The following LEPR variants were observed in gnomAD, a reference collection of about 807,000 sequenced individuals.
The protein encoded by LEPR is OB receptor.
LEPR carries 56 observed loss-of-function variants against 114.7 expected under a neutral mutation model. That is an observed-to-expected ratio of 0.49 (90% CI 0.39 to 0.61). LEPR has a LOEUF of 0.61. LEPR is among the 20% of genes least tolerant of loss of function. The pLI is 0.00. For synonymous variants in LEPR, 443 were observed against 461.4 expected, an observed-to-expected ratio of 0.96 and a Z score of 0.51; for missense variants, 1,202 against 1,352.9, an observed-to-expected ratio of 0.89 and a Z score of 1.75.
Position 65,580,149 on chromosome 1 carries a change from C to A in LEPR, c.494+7700C>A, listed in dbSNP as rs547757227. Among the ~76,000 whole-genome samples, 3 of 152,284 alleles carry A rather than the reference C, an allele frequency of 2.0e-5. No homozygotes were observed. In the East Asian group the frequency reaches 5.8e-4, roughly 29 times the overall value. On this transcript the variant is annotated intron_variant, in intron 5 of 19. Transcript: ENST00000349533. ...TGATTTGGTTAATATGTTCATTGCACCAACTATCACATGCTGTTTCTGCCT... is the reference window on the plus strand; with the variant it reads ...TGATTTGGTTAATATGTTCATTGCAACAACTATCACATGCTGTTTCTGCCT...
At chr1:65,490,987 A>T (rs561479852) in intron 2 of LEPR, among the ~76,000 whole-genome samples, 13 of 152,276 alleles carry the variant, frequency 8.5e-5, no homozygotes, top group Admixed American at 5.2e-4. Flanking sequence ...AGGAATCTGG[A>T]TGCCCATGGA....
chr1:65,453,666 C>A (rs1429709280), intron 2 of LEPR, among the ~76,000 whole-genome samples: 1 of 152,050 alleles, frequency 6.6e-6, no homozygotes, highest in Non-Finnish European at 1.5e-5. Flanking sequence ...AATTTCTGTT[C>A]TTTTACATTT....
intron 2 of LEPR, among the ~76,000 whole-genome samples, chr1:65,427,532 C>G (rs953871057): frequency 6.6e-6 from 1 of 152,098 alleles, no homozygotes; most frequent in Non-Finnish European, 1.5e-5. Flanking sequence ...GCAGTCCAGC[C>G]TGGGCGACAG....
intron 2 of LEPR, among the ~76,000 whole-genome samples, chr1:65,529,259 G>A (rs1006738651): frequency 1.1e-4 from 16 of 151,914 alleles, no homozygotes; most frequent in Non-Finnish European, 1.9e-4. Flanking sequence ...GGTGCCTCAC[G>A]CCTGTAATCC....
At chr1:65,448,374 A>G (rs1007769684) in intron 2 of LEPR, among the ~76,000 whole-genome samples, 2 of 152,194 alleles carry the variant, frequency 1.3e-5, no homozygotes, top group African/African-American at 4.8e-5. Context: ...GATGAATTCC[A>G]CTTGCTCATG....
rs12043410 is a variant in LEPR, at chr1:65,535,389, A to G, written c.-20-30157A>G. ...GGGGGAGAAAATATTTTTTTAAGACAGTGTCTCGCTCTATCACCCAGGCTG... is the reference window on the plus strand; with the variant it reads ...GGGGGAGAAAATATTTTTTTAAGACGGTGTCTCGCTCTATCACCCAGGCTG... On this transcript the variant is annotated intron_variant, in intron 2 of 19. Transcript: ENST00000349533. Among the ~76,000 whole-genome samples, 171 of 151,368 alleles carry G rather than the reference A, an allele frequency of 1.1e-3. No individual in the cohort carries two copies. In the East Asian group the frequency reaches 0.022, roughly 19 times the overall value.
intron 2 of LEPR, chr1:65,430,191 G>T (rs1214489871): frequency 4.6e-6 from 3 of 648,072 alleles, no homozygotes; most frequent in Non-Finnish European, 7.1e-6. Flanking sequence ...CTCTACTTTA[G>T]ACCTGCCTAA....
intron 10 of LEPR, among the ~76,000 whole-genome samples, chr1:65,603,623 T>C (rs1417848242): frequency 6.6e-6 from 1 of 151,662 alleles, no homozygotes; most frequent in East Asian, 1.9e-4. Flanking sequence ...CCATGTGGAC[T>C]AGGATAGCTT....
intron 2 of LEPR, among the ~76,000 whole-genome samples, chr1:65,485,289 C>T (rs1201192637): frequency 1.3e-5 from 2 of 152,166 alleles, no homozygotes; most frequent in East Asian, 3.9e-4. Flanking sequence ...ACTAACGTAT[C>T]TTGAATGCTT....
rs1275258697 is a variant in LEPR, at chr1:65,435,867, A to G, written c.-21+10489A>G. 5.1e-6 allele frequency: 5 copies of G among 984,066 alleles called. No homozygotes were observed. The African/African-American group carries it at 8.7e-5, about 17-fold the overall frequency. The allele number at this position is 984,066 out of a possible 1,614,324, so 61.0% of individuals were successfully genotyped here. The stretch of plus-strand genomic sequence containing the variant: ...TTGTCTCATGAAGTACCTTATTGCA[A>G]AAATCCCACTGAGTAATAGCTCATA... On this transcript the variant is annotated intron_variant, in intron 2 of 19. Transcript: ENST00000349533.
chr1:65,425,251 G>T (rs1646337634), intron 1 of LEPR, 52 bp from the exon 2 acceptor site: 1 of 1,522,704 alleles, frequency 6.6e-7, no homozygotes, highest in African/African-American at 1.4e-5. Context: ...ACCCTCTAGT[G>T]CCTGACAACC....
chr1:65,503,745 G>T (rs1451931493), intron 2 of LEPR, among the ~76,000 whole-genome samples: 2 of 151,708 alleles, frequency 1.3e-5, no homozygotes, highest in African/African-American at 2.4e-5. Flanking sequence ...TATAGGTACA[G>T]ACGTTTACAT....
intron 2 of LEPR, among the ~76,000 whole-genome samples, chr1:65,477,124 A>T (rs1486024683): frequency 3.3e-5 from 5 of 152,146 alleles, no homozygotes; most frequent in African/African-American, 7.2e-5. Context: ...TAATTTTAGG[A>T]TAGGTATCAC....
intron 2 of LEPR, among the ~76,000 whole-genome samples, chr1:65,506,568 A>C (rs1245470214): frequency 6.6e-6 from 1 of 152,242 alleles, no homozygotes; most frequent in Non-Finnish European, 1.5e-5. Context: ...ACTTTATACT[A>C]GTCTAAGTCT....
intron 2 of LEPR, among the ~76,000 whole-genome samples, chr1:65,535,396 C>T (rs989850998): frequency 2.0e-5 from 3 of 151,274 alleles, no homozygotes; most frequent in African/African-American, 4.9e-5. Flanking sequence ...GACAGTGTCT[C>T]GCTCTATCAC....
rs1658616489 is a variant in LEPR at position 65,633,808 on chromosome 1, T to C, written c.2674-2383T>C. The C allele has an allele frequency of 1.0e-6, 1 of 985,544 alleles. No individual in the cohort carries two copies. Among genetic ancestry groups the C allele is most frequent in the East Asian group, 1.1e-4 (1 of 8,838 alleles). 61.0% of individuals were successfully genotyped at this position (985,544 alleles called of 1,614,324 possible). On this transcript the variant is annotated intron_variant, in intron 19 of 19. Coordinates refer to ENST00000349533, the MANE Select transcript of LEPR (RefSeq NM_002303.6). This position sits in a 1 kb window ranked among gnomAD's most constrained non-coding sequence, Gnocchi z 4.1. ...CTTGAAAATGGCTTAAGTGATAACTTCCGTTTCAGTTAAAAGGAAGCCCGA... is the reference window on the plus strand; with the variant it reads ...CTTGAAAATGGCTTAAGTGATAACTCCCGTTTCAGTTAAAAGGAAGCCCGA...
chr1:65,459,676 A>T (rs1262822670), intron 2 of LEPR, among the ~76,000 whole-genome samples: 1 of 152,210 alleles, frequency 6.6e-6, no homozygotes, highest in Non-Finnish European at 1.5e-5. Context: ...TTATAACTCA[A>T]ATGTAATAAA....
chr1:65,596,313 A>T (rs1453294839), intron 6 of LEPR, 135 bp from the exon 7 acceptor site: 2 of 1,038,648 alleles, frequency 1.9e-6, no homozygotes, highest in Non-Finnish European at 2.9e-6. Flanking sequence ...TTCTATAATT[A>T]GTCCTTGGAT....
chr1:65,593,365 T>G (rs1394114002), intron 6 of LEPR, among the ~76,000 whole-genome samples: 1 of 152,022 alleles, frequency 6.6e-6, no homozygotes, highest in Non-Finnish European at 1.5e-5. Flanking sequence ...CAAACATGAT[T>G]ACAAAAAACT....
Sources: allele counts gnomAD v4.1 joint callset (sites outside exome capture counted in the v4.1 genomes callset), GRCh38; gene constraint gnomAD v4.1.1; non-coding constraint Gnocchi (gnomAD v3.1); transcripts MANE v1.5; gene names NCBI Gene and HGNC (gene_info 2026-07-23, HGNC 2026-07-21).